Variants in FSTL5 observed in about 807,000 individuals in gnomAD.
FSTL5 encodes the protein follistatin like 5, also known as follistatin-related protein 5.
Under a neutral mutation model 89.1 loss-of-function variants are expected in FSTL5, and 62 were observed. The ratio of observed to expected loss-of-function variants is 0.70; its 90% confidence interval spans 0.57 to 0.86. The LOEUF (loss-of-function observed/expected upper bound fraction) is 0.86, where lower values mean the gene tolerates loss of function less well. Among genes scored for constraint, FSTL5 ranks in the 40% least tolerant of loss-of-function variants. FSTL5 has a pLI of 0.00. For synonymous variants in FSTL5, 383 were observed against 346.2 expected, an observed-to-expected ratio of 1.11 and a Z score of -1.18; for missense variants, 1,057 against 1,001.6, an observed-to-expected ratio of 1.06 and a Z score of -0.75.
At chr4:161,922,930 A>G (rs1001682437) in intron 3 of FSTL5, among the ~76,000 whole-genome samples, 1 of 151,928 alleles carries the variant, frequency 6.6e-6, no homozygotes, top group African/African-American at 2.4e-5. Context: ...GGAGTCCATT[A>G]GTTTGAAGGT....
chr4:161,571,995 C>T (rs1173842020), intron 8 of FSTL5, among the ~76,000 whole-genome samples: 3 of 152,112 alleles, frequency 2.0e-5, no homozygotes, highest in African/African-American at 7.2e-5. Flanking sequence ...AAATACACAA[C>T]TAGCTCTCTT....
intron 8 of FSTL5, among the ~76,000 whole-genome samples, chr4:161,559,023 T>C (rs981797035): frequency 1.3e-5 from 2 of 151,954 alleles, no homozygotes; most frequent in African/African-American, 4.8e-5. Flanking sequence ...TCATTCTTCA[T>C]ACTGCCGACA....
At chr4:161,735,858 G>A (rs1342399844) in intron 6 of FSTL5, among the ~76,000 whole-genome samples, 1 of 151,848 alleles carries the variant, frequency 6.6e-6, no homozygotes, top group Non-Finnish European at 1.5e-5. Context: ...AAGAGTGCAG[G>A]TTATAAATCT....
rs113820580 is a variant in FSTL5, at chr4:161,384,502, TAC to T, written c.*1243_*1244del. 3 of 152,292 alleles carry T rather than the reference TAC, an allele frequency of 2.0e-5. No homozygotes were observed. The highest frequency in any genetic ancestry group is 7.2e-5 in the African/African-American group (3 of 41,580). 9.4% of individuals were successfully genotyped at this position (152,292 alleles called of 1,614,324 possible). ...ACAGAAGCAACAATTTTTACTTTTC[TAC>T]AGTGTCTCAAGTAGGAGGATTCGTT... On this transcript the variant is annotated 3_prime_UTR_variant, in exon 16 of 16. Coordinates refer to ENST00000306100, the MANE Select transcript of FSTL5 (RefSeq NM_020116.5).
intron 3 of FSTL5, among the ~76,000 whole-genome samples, chr4:161,979,514 C>A (rs971596654): frequency 1.1e-4 from 17 of 151,918 alleles, no homozygotes; most frequent in African/African-American, 4.1e-4. Flanking sequence ...AATCTTCCTC[C>A]CCCTTTCCTT....
intron 15 of FSTL5, among the ~76,000 whole-genome samples, chr4:161,390,675 C>T (rs1730791695): frequency 1.3e-5 from 2 of 151,906 alleles, no homozygotes; most frequent in South Asian, 2.1e-4. Context: ...CAAGCAATTC[C>T]CTGTGTCAAC....
At chr4:161,587,157 T>C (rs61099258) in intron 8 of FSTL5, among the ~76,000 whole-genome samples, 27,884 of 152,068 alleles carry the variant, frequency 0.18, 3,133 homozygotes, top group Non-Finnish European at 0.23. Flanking sequence ...AAATTTATGC[T>C]TGCCTAATTG....
chr4:161,596,031 A>G (rs1221546796), intron 7 of FSTL5, among the ~76,000 whole-genome samples: 1 of 151,948 alleles, frequency 6.6e-6, no homozygotes, highest in Non-Finnish European at 1.5e-5. Flanking sequence ...CTATTTTCCT[A>G]GCTTTTTATG....
At chr4:162,107,764 T>C (rs1277398840) in intron 2 of FSTL5, among the ~76,000 whole-genome samples, 1 of 152,134 alleles carries the variant, frequency 6.6e-6, no homozygotes, top group Admixed American at 6.6e-5. Flanking sequence ...CATCATCGTC[T>C]TTATTTATTT....
chr4:161,486,197 T>C (rs1448309782), intron 12 of FSTL5, among the ~76,000 whole-genome samples: 1 of 151,280 alleles, frequency 6.6e-6, no homozygotes, highest in Non-Finnish European at 1.5e-5. Context: ...TAATTTGGAT[T>C]ACAATGCATT....
intron 7 of FSTL5, among the ~76,000 whole-genome samples, chr4:161,635,262 G>A (rs770453529): frequency 7.2e-5 from 11 of 152,010 alleles, no homozygotes; most frequent in Non-Finnish European, 1.2e-4. Flanking sequence ...GGTGGCAGGC[G>A]CCTGTAATCC....
At chr4:162,065,991 T>C (rs1380491673) in intron 2 of FSTL5, among the ~76,000 whole-genome samples, 1 of 152,062 alleles carries the variant, frequency 6.6e-6, no homozygotes, top group African/African-American at 2.4e-5. Flanking sequence ...ATATATAAAG[T>C]ACAGTTTTAT....
At position 161,500,822 on chromosome 4, in the gene FSTL5, C is replaced by T. The variant is rs545040612; in HGVS notation, c.1340-688G>A. On this transcript the variant is annotated intron_variant, in intron 11 of 15. Transcript: ENST00000306100. ...GTGGTGTCTCAGAAATTCATCTCCC[C>T]CCACTTTCTAAATCCATGTCTAAAT... is the stretch of plus-strand genomic sequence containing the variant. Among the ~76,000 whole-genome samples, 8 of 152,166 alleles carry T rather than the reference C, an allele frequency of 5.3e-5. No homozygotes were observed. In the East Asian group the frequency reaches 1.5e-3, roughly 29 times the overall value.
At chr4:162,157,141 G>A (rs2110753893) in intron 1 of FSTL5, among the ~76,000 whole-genome samples, 1 of 152,166 alleles carries the variant, frequency 6.6e-6, no homozygotes, top group African/African-American at 2.4e-5. Context: ...AGGTAAAAAT[G>A]ATAAGAGAAA....
chr4:161,442,914 C>G (rs957667993), intron 15 of FSTL5, among the ~76,000 whole-genome samples: 1 of 151,924 alleles, frequency 6.6e-6, no homozygotes, highest in African/African-American at 2.4e-5. Context: ...TTGGGGCTCA[C>G]TGGTGGAAAT....
intron 6 of FSTL5, 101 bp from the exon 7 acceptor site, chr4:161,656,595 T>C: frequency 1.6e-6 from 1 of 627,236 alleles, no homozygotes; most frequent in Non-Finnish European, 2.4e-6. Context: ...TTAATTTGAA[T>C]AAAAGGGAAA....
intron 6 of FSTL5, among the ~76,000 whole-genome samples, chr4:161,711,208 T>C (rs1234702170): frequency 3.3e-5 from 5 of 151,282 alleles, no homozygotes; most frequent in Non-Finnish European, 7.4e-5. Flanking sequence ...GTGGAAAAAA[T>C]AGAAAAAATT....
intron 7 of FSTL5, among the ~76,000 whole-genome samples, chr4:161,623,435 T>G (rs1444395299): frequency 6.6e-6 from 1 of 152,004 alleles, no homozygotes; most frequent in Non-Finnish European, 1.5e-5. Flanking sequence ...CATTTTAATT[T>G]TTTAATGAAA....
chr4:161,558,273 C>T (rs1732465052), intron 8 of FSTL5, among the ~76,000 whole-genome samples: 1 of 151,696 alleles, frequency 6.6e-6, no homozygotes, highest in Non-Finnish European at 1.5e-5. Context: ...CAGTGTGGCT[C>T]CAAAAGGGTG....
Sources: allele counts gnomAD v4.1 joint callset (sites outside exome capture counted in the v4.1 genomes callset), GRCh38; gene constraint gnomAD v4.1.1; transcripts MANE v1.5; gene names NCBI Gene and HGNC (gene_info 2026-07-23, HGNC 2026-07-21).